The following SNTG1 variants were observed in gnomAD, a reference collection of about 807,000 sequenced individuals.
SNTG1 encodes syntrophin gamma 1.
In SNTG1, 39 loss-of-function variants were observed where a neutral mutation model predicts 74.7. The ratio of observed to expected loss-of-function variants is 0.52; its 90% CI spans 0.40 to 0.68. The LOEUF is 0.68. Among genes scored for constraint, SNTG1 ranks in the 30% least tolerant of loss-of-function variants. The pLI, the probability that SNTG1 is intolerant of heterozygous loss-of-function variation, is 0.00. For missense variants in SNTG1, 685 were observed against 609.5 expected, an observed-to-expected ratio of 1.12 and a Z score of -1.30; for synonymous variants, 254 against 217.1, an observed-to-expected ratio of 1.17 and a Z score of -1.49.
At chr8:50,312,652 A>G (rs1295664128) in intron 2 of SNTG1, among the ~76,000 whole-genome samples, 1 of 149,820 alleles carries the variant, frequency 6.7e-6, no homozygotes, top group African/African-American at 2.5e-5. Context: ...TGAAAATAGC[A>G]TAATAGGCCA....
intron 9 of SNTG1, among the ~76,000 whole-genome samples, chr8:50,518,221 AAATT>A (rs1405203285): frequency 1.3e-5 from 2 of 152,228 alleles, no homozygotes; most frequent in Non-Finnish European, 2.9e-5. Flanking sequence ...GTAAATAACA[AAATT>A]AAGGCAGAAA....
At chr8:50,266,621 C>T (rs1338627738) in intron 2 of SNTG1, among the ~76,000 whole-genome samples, 1 of 146,510 alleles carries the variant, frequency 6.8e-6, no homozygotes, top group Non-Finnish European at 1.5e-5. Flanking sequence ...TATGGTACCA[C>T]AACAGAAGTG....
chr8:50,670,007 ACT>A (rs1444854496), intron 15 of SNTG1, among the ~76,000 whole-genome samples: 3 of 152,014 alleles, frequency 2.0e-5, no homozygotes, highest in Admixed American at 6.6e-5. Flanking sequence ...CATGCTAAAA[ACT>A]CTCAATAAAT....
chr8:50,153,688 G>A (rs573154687), intron 1 of SNTG1, among the ~76,000 whole-genome samples: 1 of 152,154 alleles, frequency 6.6e-6, no homozygotes, highest in African/African-American at 2.4e-5. Context: ...TGTTTGCCTG[G>A]GTATCAGCAG....
At chr8:50,260,477 G>T (rs2087127738) in intron 2 of SNTG1, among the ~76,000 whole-genome samples, 1 of 151,424 alleles carries the variant, frequency 6.6e-6, no homozygotes, top group Non-Finnish European at 1.5e-5. Flanking sequence ...TTGAATGCAG[G>T]TTTTTTCACC....
chr8:50,118,690 ATTATTTTCTT>A lies in SNTG1; in HGVS notation c.-102-53863_-102-53854del, dbSNP rs1167633381. On this transcript the variant is annotated intron_variant, in intron 1 of 18. Coordinates refer to ENST00000642720, the MANE Select transcript of SNTG1 (RefSeq NM_018967.5). ...AGAGCCTATGAGTTGAAAACAAAGT[ATTATTTTCTT>A]TTATTTTTCCTTTATAGTTTATAAA... Among the ~76,000 whole-genome samples, 2 of 142,352 alleles carry A rather than the reference ATTATTTTCTT, an allele frequency of 1.4e-5. 1 individual carries two copies. The highest frequency in any genetic ancestry group is 1.4e-4 in the Admixed American group (2 of 13,822). The allele number at this position is 142,352 out of a possible 152,430, so 93.4% of individuals were successfully genotyped here.
intron 18 of SNTG1, chr8:50,762,765 CA>C: frequency 2.1e-6 from 1 of 474,146 alleles, no homozygotes. Context: ...CACTTCTGAA[CA>C]AAGATCTTCT....
intron 1 of SNTG1, among the ~76,000 whole-genome samples, chr8:50,074,352 G>C (rs191638487): frequency 1.3e-5 from 2 of 152,136 alleles, no homozygotes; most frequent in Non-Finnish European, 2.9e-5. Context: ...ATTAGGCATT[G>C]GTTTAAGAAG....
At position 50,005,953 on chromosome 8, in the gene SNTG1, C is replaced by T. The variant is rs778804812; in HGVS notation, c.-103+93722C>T. Among the ~76,000 whole-genome samples, 139 of 137,068 alleles carry T rather than the reference C, an allele frequency of 1.0e-3. 2 individuals carry two copies. The Middle Eastern group carries it at 0.011, about 11-fold the overall frequency. 89.9% of individuals were successfully genotyped at this position (137,068 alleles called of 152,430 possible). On this transcript the variant is annotated intron_variant, in intron 1 of 18. Transcript: ENST00000642720. ...CTTTACTTTTCATTTCCATTACTTG[C>T]ACTTTTTTTTTTTTTTTTTTTTTTT...
At chr8:50,299,970 C>A (rs1334984318) in intron 2 of SNTG1, among the ~76,000 whole-genome samples, 1 of 152,108 alleles carries the variant, frequency 6.6e-6, no homozygotes, top group Non-Finnish European at 1.5e-5. Context: ...TAAATTAATT[C>A]ATATAGAACA....
intron 1 of SNTG1, among the ~76,000 whole-genome samples, chr8:50,130,181 T>C (rs1335924502): frequency 2.0e-5 from 3 of 152,098 alleles, no homozygotes; most frequent in African/African-American, 7.2e-5. Flanking sequence ...CTATAAAATA[T>C]AACAAAATAA....
intron 13 of SNTG1, among the ~76,000 whole-genome samples, chr8:50,596,718 C>T (rs927419201): frequency 6.6e-6 from 1 of 151,842 alleles, no homozygotes; most frequent in African/African-American, 2.4e-5. Flanking sequence ...AGTGTAAGTC[C>T]CCTAGCTTTG....
intron 1 of SNTG1, among the ~76,000 whole-genome samples, chr8:50,019,659 A>C (rs558734924): frequency 6.6e-6 from 1 of 152,124 alleles, no homozygotes; most frequent in Non-Finnish European, 1.5e-5. Context: ...GATAAAACTG[A>C]TTCATACATT....
chr8:50,189,403 C>T (rs764361227), intron 2 of SNTG1, among the ~76,000 whole-genome samples: 70 of 151,880 alleles, frequency 4.6e-4, no homozygotes, highest in Non-Finnish European at 6.3e-4. Flanking sequence ...GTTTCTGATT[C>T]GGTAGATGTG....
At chr8:50,667,881 CCTAAGCTA>C (rs1346192041) in intron 15 of SNTG1, among the ~76,000 whole-genome samples, 1 of 151,978 alleles carries the variant, frequency 6.6e-6, no homozygotes, top group Non-Finnish European at 1.5e-5. Flanking sequence ...TTAGTCTCTT[CCTAAGCTA>C]CAAGCTTCTG....
At chr8:50,548,051 C>G (rs530099064) in intron 11 of SNTG1, among the ~76,000 whole-genome samples, 1 of 152,170 alleles carries the variant, frequency 6.6e-6, no homozygotes, top group Non-Finnish European at 1.5e-5. Flanking sequence ...ACAAAGTAGA[C>G]AAGAGCAACT....
intron 15 of SNTG1, among the ~76,000 whole-genome samples, chr8:50,685,363 T>C (rs1272049204): frequency 2.0e-5 from 3 of 152,194 alleles, no homozygotes; most frequent in Non-Finnish European, 4.4e-5. Context: ...GTTTATCCAT[T>C]ATCTACCTTA....
intron 2 of SNTG1, among the ~76,000 whole-genome samples, chr8:50,354,083 A>C (rs999939584): frequency 1.3e-4 from 20 of 152,200 alleles, no homozygotes; most frequent in African/African-American, 4.3e-4. Context: ...TTTCCATTTC[A>C]GAGAGCTCTG....
intron 1 of SNTG1, among the ~76,000 whole-genome samples, chr8:50,098,403 T>C (rs1458168152): frequency 6.6e-6 from 1 of 152,188 alleles, no homozygotes; most frequent in Non-Finnish European, 1.5e-5. Flanking sequence ...ATATACTGAC[T>C]TTTTCCTTGT....
Sources: gnomAD v4.1 joint callset for allele counts (sites outside exome capture counted in the v4.1 genomes callset) on GRCh38, gnomAD v4.1.1 for gene constraint, MANE v1.5 for transcripts, NCBI Gene and HGNC (gene_info 2026-07-23, HGNC 2026-07-21) for gene names.